Variants in HERC4 observed in about 807,000 individuals in gnomAD.
The protein encoded by HERC4 is HECT and RLD domain containing E3 ubiquitin protein ligase 4.
A neutral mutation model predicts 124.3 loss-of-function variants in HERC4; 28 were observed. That is an observed-to-expected ratio of 0.23 (90% CI 0.17 to 0.31). The LOEUF is 0.31. Ranked by LOEUF, HERC4 falls within the 10% of genes least tolerant of loss-of-function variation. The pLI is 1.00. For missense variants in HERC4, 713 were observed against 1,229.3 expected, an observed-to-expected ratio of 0.58 and a Z score of 6.28; for synonymous variants, 407 against 421.5, an observed-to-expected ratio of 0.97 and a Z score of 0.42.
intron 8 of HERC4, among the ~76,000 whole-genome samples, chr10:68,016,771 C>T (rs2038297195): frequency 6.6e-6 from 1 of 152,118 alleles, no homozygotes. Context: ...GAAATTTTAC[C>T]CCCGATCCAA....
chr10:67,973,791 T>C (rs1485405128), intron 15 of HERC4, among the ~76,000 whole-genome samples: 6 of 152,098 alleles, frequency 3.9e-5, no homozygotes, highest in Admixed American at 3.9e-4. Context: ...CGGTGGCTCA[T>C]GCCTGTAATC....
At chr10:67,924,276 A>G (rs906069861) in intron 24 of HERC4, among the ~76,000 whole-genome samples, 1 of 152,230 alleles carries the variant, frequency 6.6e-6, no homozygotes, top group Non-Finnish European at 1.5e-5. Flanking sequence ...TGTATGAGGT[A>G]TTAATAACAT....
At chr10:67,992,432 G>T (rs2036602063) in intron 10 of HERC4, 109 bp from the exon 11 acceptor site, 17 of 1,402,612 alleles carry the variant, frequency 1.2e-5, no homozygotes, top group Non-Finnish European at 1.6e-5. Flanking sequence ...AATCTCTCCT[G>T]AACACCTGAA....
intron 19 of HERC4, among the ~76,000 whole-genome samples, chr10:67,946,757 A>G (rs1415140611): frequency 2.0e-5 from 3 of 152,036 alleles, no homozygotes; most frequent in African/African-American, 7.2e-5. Context: ...AAATACAAAA[A>G]TTAACTGGGC....
At chr10:67,939,458 T>C (rs766416116) in intron 21 of HERC4, 130 bp downstream of exon 21, 4 of 603,758 alleles carry the variant, frequency 6.6e-6, no homozygotes, top group Middle Eastern at 3.9e-4. Flanking sequence ...ATGTAGTAAA[T>C]GCTCAATAAA....
chr10:68,040,254 A>G lies in HERC4; in HGVS notation c.387-2085T>C, dbSNP rs754295974. 14 of 982,446 alleles carry G rather than the reference A, an allele frequency of 1.4e-5. 1 individual carries two copies. The highest frequency in any genetic ancestry group is 1.6e-5 in the Non-Finnish European group (13 of 827,360). The allele number at this position is 982,446 out of a possible 1,614,324, so 60.9% of individuals were successfully genotyped here. A position where few individuals can be genotyped will look rare whatever the true frequency, so the allele number is the denominator to read the frequency against. On this transcript the variant is annotated intron_variant, in intron 4 of 24. Transcript: ENST00000373700. ...GGCTTGTAACACACATTAAATGCTA[A>G]TATCTTTTACCATTATATGCTACAG...
intron 15 of HERC4, among the ~76,000 whole-genome samples, chr10:67,987,711 T>C (rs916276964): frequency 6.6e-6 from 1 of 151,980 alleles, no homozygotes; most frequent in African/African-American, 2.4e-5. Context: ...ACATACTAAA[T>C]ACCAAAGAAA....
At chr10:67,996,766 T>C (rs1273994920) in intron 9 of HERC4, among the ~76,000 whole-genome samples, 2 of 151,794 alleles carry the variant, frequency 1.3e-5, no homozygotes, top group Non-Finnish European at 2.9e-5. Flanking sequence ...GGGTGGATCA[T>C]GAGGTCAGAA....
At chr10:68,013,375 T>C (rs540371730) in intron 9 of HERC4, among the ~76,000 whole-genome samples, 2 of 152,336 alleles carry the variant, frequency 1.3e-5, no homozygotes, top group South Asian at 4.1e-4. Flanking sequence ...ATCTCCAAGG[T>C]ATGCCTGAAT....
intron 19 of HERC4, among the ~76,000 whole-genome samples, chr10:67,953,329 GTCTA>G (rs1202044940): frequency 6.6e-6 from 1 of 152,128 alleles, no homozygotes; most frequent in Non-Finnish European, 1.5e-5. Flanking sequence ...TTATCTGGCT[GTCTA>G]TCTATATTAG....
At chr10:67,957,393 G>A (rs1477054874) in intron 16 of HERC4, among the ~76,000 whole-genome samples, 2 of 152,144 alleles carry the variant, frequency 1.3e-5, no homozygotes, top group Non-Finnish European at 2.9e-5. Flanking sequence ...AACAGATATT[G>A]AGTATAATGT....
rs58031306 is a variant in HERC4, at chr10:67,972,529, GAAAAAAAAAAAAA to G, written c.1807-5740_1807-5728del. On this transcript the variant is annotated intron_variant, in intron 15 of 24. Coordinates refer to ENST00000373700, the MANE Select transcript of HERC4 (RefSeq NM_015601.4). ...AGTCAAACTCTGTCTCAAAAAAGAG[GAAAAAAAAAAAAA>G]AAAAAAAAAAAAAGAATTTCTCTGT... 1.9e-4 allele frequency among the ~76,000 whole-genome samples: 11 copies of G among 58,398 alleles called. No homozygotes were observed. The East Asian group carries it at 4.2e-3, about 22-fold the overall frequency. The allele number at this position is 58,398 out of a possible 152,430, so 38.3% of individuals were successfully genotyped here. A position where few individuals can be genotyped will look rare whatever the true frequency, so the allele number is the denominator to read the frequency against.
chr10:67,991,091 T>G, intron 12 of HERC4, 49 bp downstream of exon 12: 1 of 1,412,222 alleles, frequency 7.1e-7, no homozygotes, highest in South Asian at 1.5e-5. Context: ...ATATACTATT[T>G]AAGACAATAA....
chr10:68,054,972 G>C (rs1302876212), intron 3 of HERC4, among the ~76,000 whole-genome samples: 1 of 151,786 alleles, frequency 6.6e-6, no homozygotes, highest in Admixed American at 6.6e-5. Context: ...GCCCAGGCTG[G>C]AGTGCAGTGG....
At chr10:67,940,686 C>G (rs1202424097) in intron 20 of HERC4, among the ~76,000 whole-genome samples, 1 of 152,132 alleles carries the variant, frequency 6.6e-6, no homozygotes, top group African/African-American at 2.4e-5. Flanking sequence ...CTCAGGTGAT[C>G]CACCTGCCTC....
At chr10:68,064,751 T>G (rs1265014625) in intron 3 of HERC4, among the ~76,000 whole-genome samples, 1 of 151,830 alleles carries the variant, frequency 6.6e-6, no homozygotes, top group Non-Finnish European at 1.5e-5. Context: ...GGCAGGTGGA[T>G]CACAAGGTCA....
chr10:68,055,610 TCA>T (rs1465847989), intron 3 of HERC4, among the ~76,000 whole-genome samples: 1 of 152,150 alleles, frequency 6.6e-6, no homozygotes, highest in East Asian at 1.9e-4. Flanking sequence ...TCCTTAAGCT[TCA>T]CAGATAAAGG....
intron 15 of HERC4, among the ~76,000 whole-genome samples, chr10:67,968,196 T>C (rs763514150): frequency 6.6e-6 from 1 of 151,916 alleles, no homozygotes; most frequent in Non-Finnish European, 1.5e-5. Context: ...AATAAAAAAA[T>C]CAAAGAAAGG....
chr10:68,044,925 AAG>A (rs2133506979), intron 3 of HERC4, among the ~76,000 whole-genome samples: 1 of 152,344 alleles, frequency 6.6e-6, no homozygotes, highest in African/African-American at 2.4e-5. Flanking sequence ...TGAAAAAAAA[AAG>A]AAGAAATCAT....
Sources: allele counts gnomAD v4.1 joint callset (sites outside exome capture counted in the v4.1 genomes callset), GRCh38; gene constraint gnomAD v4.1.1; transcripts MANE v1.5; gene names NCBI Gene and HGNC (gene_info 2026-07-23, HGNC 2026-07-21).